RAB6A: variants seen among roughly 807,000 people sequenced by gnomAD.
The protein encoded by RAB6A is ras-related protein Rab-6A.
RAB6A carries 8 observed loss-of-function variants against 32.3 expected under a neutral mutation model. That is an observed-to-expected ratio of 0.25 (90% confidence interval 0.15 to 0.45). The LOEUF is 0.45. Among genes scored for constraint, RAB6A ranks in the 20% least tolerant of loss-of-function variants. The pLI is 1.00. For synonymous variants in RAB6A, 73 were observed against 82.1 expected (o/e 0.89, Z 0.60); for missense variants, 104 against 249.4 (o/e 0.42, Z 3.93).
At chr11:73,678,309 A>G (rs1358988425) in intron 7 of RAB6A, among the ~76,000 whole-genome samples, 1 of 152,212 alleles carries the variant, frequency 6.6e-6, no homozygotes, top group Admixed American at 6.5e-5. Flanking sequence ...CAGCAGAGGA[A>G]ACATTTAGTA....
chr11:73,738,600 G>GA (rs1273429134), intron 1 of RAB6A, among the ~76,000 whole-genome samples: 1 of 152,106 alleles, frequency 6.6e-6, no homozygotes, highest in Non-Finnish European at 1.5e-5. Flanking sequence ...TATAAACTGT[G>GA]ATAGTGCCAC....
chr11:73,737,849 T>C (rs1946423953), intron 1 of RAB6A, among the ~76,000 whole-genome samples: 1 of 151,458 alleles, frequency 6.6e-6, no homozygotes, highest in African/African-American at 2.4e-5. Context: ...ATACAAAAAT[T>C]AGCTGGGCGT....
chr11:73,720,329 C>A (rs897166977), intron 3 of RAB6A, among the ~76,000 whole-genome samples: 13 of 151,532 alleles, frequency 8.6e-5, no homozygotes, highest in African/African-American at 3.2e-4. Flanking sequence ...TATAGGCGCC[C>A]GCCACCACGC....
intron 5 of RAB6A, among the ~76,000 whole-genome samples, chr11:73,713,754 T>C (rs1049918394): frequency 1.3e-5 from 2 of 152,154 alleles, no homozygotes; most frequent in African/African-American, 4.8e-5. Flanking sequence ...TTTTACCCAT[T>C]TGAAAATCAT....
At chr11:73,681,798 G>C (rs1322867168) in intron 6 of RAB6A, among the ~76,000 whole-genome samples, 2 of 152,132 alleles carry the variant, frequency 1.3e-5, no homozygotes, top group Non-Finnish European at 2.9e-5. Context: ...GACAGAGCAA[G>C]ACTCTGTCTG....
chr11:73,755,464 T>A, intron 1 of RAB6A, among the ~76,000 whole-genome samples: 1 of 151,908 alleles, frequency 6.6e-6, no homozygotes, highest in East Asian at 1.9e-4. Flanking sequence ...CGGCTAATTT[T>A]GTATTTTTAG....
intron 6 of RAB6A, among the ~76,000 whole-genome samples, chr11:73,687,497 C>T (rs1030110399): frequency 1.3e-5 from 2 of 152,090 alleles, no homozygotes; most frequent in African/African-American, 4.8e-5. Flanking sequence ...GAGAGGCACT[C>T]GCTAAATATT....
intron 6 of RAB6A, among the ~76,000 whole-genome samples, chr11:73,683,634 C>T (rs1401304117): frequency 1.3e-5 from 2 of 151,914 alleles, no homozygotes; most frequent in Non-Finnish European, 2.9e-5. Context: ...CTCGCCACAA[C>T]CTCCGCCTCC....
chr11:73,748,447 G>A (rs1946625070), intron 1 of RAB6A, among the ~76,000 whole-genome samples: 1 of 152,162 alleles, frequency 6.6e-6, no homozygotes, highest in South Asian at 2.1e-4. Context: ...AAGAGTTCAA[G>A]GTTACAGTGA....
chr11:73,722,259 T>C (rs1172877523), intron 2 of RAB6A: 1 of 144,970 alleles, frequency 6.9e-6, no homozygotes, highest in East Asian at 1.9e-4. Context: ...TATTTTATTC[T>C]TTTCTGATGC....
At chr11:73,739,284 A>AAAAAATATATAT (rs1208877325) in intron 1 of RAB6A, among the ~76,000 whole-genome samples, 4 of 6,762 alleles carry the variant, frequency 5.9e-4, no homozygotes, top group African/African-American at 9.7e-4. Flanking sequence ...AAAAAAAAAA[A>AAAAAATATATAT]ATATATATAT....
intron 1 of RAB6A, among the ~76,000 whole-genome samples, chr11:73,742,774 A>G (rs1348544902): frequency 1.3e-5 from 2 of 151,906 alleles, no homozygotes; most frequent in African/African-American, 4.8e-5. Flanking sequence ...TGCCCCATTG[A>G]CTCCAGCCTG....
At chr11:73,708,665 T>C (rs1945889947) in intron 5 of RAB6A, among the ~76,000 whole-genome samples, 1 of 152,230 alleles carries the variant, frequency 6.6e-6, no homozygotes, top group Non-Finnish European at 1.5e-5. Context: ...ATGCTTAAGC[T>C]GGCAGATAAG....
At chr11:73,711,844 G>A (rs1239427604) in intron 5 of RAB6A, among the ~76,000 whole-genome samples, 2 of 152,172 alleles carry the variant, frequency 1.3e-5, no homozygotes, top group Non-Finnish European at 2.9e-5. Flanking sequence ...ATATTTCTCA[G>A]TGCAGTTTCA....
intron 6 of RAB6A, among the ~76,000 whole-genome samples, chr11:73,700,974 G>A (rs1828569215): frequency 6.6e-6 from 1 of 152,096 alleles, no homozygotes; most frequent in African/African-American, 2.4e-5. Context: ...CTAGTCACTT[G>A]AATCATGATT....
intron 6 of RAB6A, among the ~76,000 whole-genome samples, chr11:73,705,491 TG>T (rs1360555594): frequency 6.6e-6 from 1 of 152,052 alleles, no homozygotes; most frequent in East Asian, 1.9e-4. Flanking sequence ...GAGGTTGCAG[TG>T]AGCCGAGATT....
intron 6 of RAB6A, among the ~76,000 whole-genome samples, chr11:73,688,634 C>T (rs1189775725): frequency 6.6e-6 from 1 of 152,192 alleles, no homozygotes; most frequent in Non-Finnish European, 1.5e-5. Context: ...TATAGTATCA[C>T]ATTACAGATA....
intron 6 of RAB6A, among the ~76,000 whole-genome samples, chr11:73,687,011 A>G (rs1945468420): frequency 6.6e-6 from 1 of 151,954 alleles, no homozygotes; most frequent in African/African-American, 2.4e-5. Flanking sequence ...TATATTATAC[A>G]TAGTATATCC....
chr11:73,736,718 G>C (rs1056258227), intron 1 of RAB6A, among the ~76,000 whole-genome samples: 1 of 149,208 alleles, frequency 6.7e-6, no homozygotes, highest in African/African-American at 2.5e-5. Flanking sequence ...CTTAATCCTG[G>C]GAGGCAAAGG....
Sources: allele counts gnomAD v4.1 joint callset (sites outside exome capture counted in the v4.1 genomes callset), GRCh38; gene constraint gnomAD v4.1.1; transcripts MANE v1.5; gene names NCBI Gene and HGNC (gene_info 2026-07-23, HGNC 2026-07-21).